SLC13A5: variants seen among roughly 807,000 people sequenced by gnomAD.
The protein encoded by SLC13A5 is Na(+)/citrate cotransporter.
SLC13A5 carries 25 observed loss-of-function variants against 56.5 expected under a neutral mutation model. That is an observed-to-expected ratio of 0.44 (90% confidence interval 0.32 to 0.62). The LOEUF (loss-of-function observed/expected upper bound fraction) is 0.62, where lower values mean the gene tolerates loss of function less well. SLC13A5 is among the 20% of genes least tolerant of loss of function. SLC13A5 has a pLI of 0.04. For synonymous variants in SLC13A5, 307 were observed against 301.5 expected (o/e 1.02, Z -0.19); for missense variants, 649 against 737.8 (o/e 0.88, Z 1.39).
At position 6,702,076 on chromosome 17, in the gene SLC13A5, C is replaced by T. The variant is rs964830612; in HGVS notation, c.716+894G>A. 5.3e-5 allele frequency among the ~76,000 whole-genome samples: 8 copies of T among 152,294 alleles called. No homozygotes were observed. The South Asian group carries it at 8.3e-4, about 16-fold the overall frequency. On this transcript the variant is annotated intron_variant, in intron 5 of 11. Transcript: ENST00000433363. Reference sequence around the variant, plus strand: ...AAAACACTCCCGAAATTAAAACAAACGGGTTGTTGAACCTCACGTTTCTGC... The same window carrying T: ...AAAACACTCCCGAAATTAAAACAAATGGGTTGTTGAACCTCACGTTTCTGC...
chr17:6,698,096 G>A lies in SLC13A5; in HGVS notation c.840-2155C>T, dbSNP rs186866354. ...GAGCACTGTTCCCACCACTCAAACC[G>A]AATGTAAAAGCTGTCCTCTACCTTC... is the stretch of plus-strand genomic sequence containing the variant. On this transcript the variant is annotated intron_variant, in intron 6 of 11. Coordinates refer to ENST00000433363, the MANE Select transcript of SLC13A5 (RefSeq NM_177550.5). 1.6e-3 allele frequency among the ~76,000 whole-genome samples: 248 copies of A among 152,324 alleles called. 1 individual carries two copies. Among genetic ancestry groups the A allele is most frequent in the African/African-American group, 4.4e-3 (181 of 41,576 alleles).
chr17:6,713,252 C>A lies in SLC13A5; in HGVS notation c.82G>T (p.Val28Phe). 1.2e-6 allele frequency: 2 copies of A among 1,613,998 alleles called. No homozygotes were observed. Among genetic ancestry groups the A allele is most frequent in the Non-Finnish European group, 1.7e-6 (2 of 1,179,940 alleles). Residue 28 changes from valine to phenylalanine, a missense_variant, in exon 1 of 12, where the codon GTC (valine) becomes TTC (phenylalanine). Transcript: ENST00000433363. The surrounding 1 kb of genome is among the most constrained non-coding windows in gnomAD (Gnocchi z 7.3). ...CTGACCTTGGCGGGCATCAGAATGA[C>A]GAGTGGCAGCAGCAGGAGCGGGGTG... ...FVTPLLLLPL[V>F]ILMPAKFVRC...
At chr17:6,700,601 C>G (rs955639194) in intron 6 of SLC13A5, among the ~76,000 whole-genome samples, 3 of 152,158 alleles carry the variant, frequency 2.0e-5, no homozygotes, top group African/African-American at 7.2e-5. Context: ...GTGCTGGGAG[C>G]TGTGCGGGGT....
chr17:6,700,815 G>A (rs768246718), intron 6 of SLC13A5, among the ~76,000 whole-genome samples, 189 bp downstream of exon 6: 5 of 152,160 alleles, frequency 3.3e-5, no homozygotes, highest in Non-Finnish European at 2.9e-5. Flanking sequence ...AGGGGACCAC[G>A]TGTGCACAAA....
chr17:6,694,281 A>G lies in SLC13A5; in HGVS notation c.1056-84T>C, dbSNP rs949709705. ...ACAACTCCGGCAGTTCTGTGTCCAAATGCTTCTATGCAAAGAAACAGGCTC... is the reference window on the plus strand; with the variant it reads ...ACAACTCCGGCAGTTCTGTGTCCAAGTGCTTCTATGCAAAGAAACAGGCTC... On this transcript the variant is annotated intron_variant, in intron 7 of 11. Coordinates refer to ENST00000433363, the MANE Select transcript of SLC13A5 (RefSeq NM_177550.5). 4.4e-5 allele frequency: 34 copies of G among 772,182 alleles called. No homozygotes were observed. The Middle Eastern group carries it at 6.9e-4, about 16-fold the overall frequency. 47.8% of individuals were successfully genotyped at this position (772,182 alleles called of 1,614,324 possible). A position where few individuals can be genotyped will look rare whatever the true frequency, so the allele number is the denominator to read the frequency against.
chr17:6,704,854 C>G (rs755263259), intron 3 of SLC13A5: 1 of 154,558 alleles, frequency 6.5e-6, no homozygotes, highest in Non-Finnish European at 1.4e-5. Context: ...CTCAATCCTT[C>G]CCCCTACTCT....
At position 6,702,938 on chromosome 17, in the gene SLC13A5, G is replaced by A. The variant is rs754834897; in HGVS notation, c.716+32C>T. On this transcript the variant is annotated intron_variant, in intron 5 of 11. Transcript: ENST00000433363. ...TCCCTCCAGCCCCGGTACCCACTTC[G>A]TTGTCCCCAGAAGGTGCGACCAAGG... The A allele has an allele frequency of 1.1e-4, 183 of 1,607,320 alleles. 1 individual carries two copies. Among genetic ancestry groups the A allele is most frequent in the Middle Eastern group, 1.7e-4 (1 of 6,002 alleles).
At chr17:6,703,243 T>C in intron 4 of SLC13A5, 105 bp from the exon 5 acceptor site, 1 of 1,419,076 alleles carries the variant, frequency 7.0e-7, no homozygotes, top group Non-Finnish European at 9.6e-7. Flanking sequence ...ATCCCAGCTC[T>C]GCTGATTTAG....
chr17:6,705,854 G>A (rs891365536), intron 3 of SLC13A5, among the ~76,000 whole-genome samples: 1 of 152,196 alleles, frequency 6.6e-6, no homozygotes, highest in African/African-American at 2.4e-5. Context: ...GATTAGAGAG[G>A]ACACAGGCCT....
intron 8 of SLC13A5, among the ~76,000 whole-genome samples, chr17:6,693,863 T>C (rs1387605751): frequency 1.3e-5 from 2 of 152,228 alleles, no homozygotes; most frequent in Non-Finnish European, 2.9e-5. Flanking sequence ...TCTGTTCCTG[T>C]TGTAATATAA....
At chr17:6,697,835 T>C (rs1031993164) in intron 6 of SLC13A5, among the ~76,000 whole-genome samples, 6 of 152,318 alleles carry the variant, frequency 3.9e-5, no homozygotes, top group Non-Finnish European at 5.9e-5. Context: ...CCTAGGAGGC[T>C]GCACTAGGCT....
At chr17:6,689,525 T>C (rs943966426) in intron 10 of SLC13A5, 1 of 152,206 alleles carries the variant, frequency 6.6e-6, no homozygotes, top group Non-Finnish European at 1.5e-5. Context: ...GTGCTCCCAG[T>C]TAGGGCTGGA....
At chr17:6,698,820 C>T (rs1488091624) in intron 6 of SLC13A5, among the ~76,000 whole-genome samples, 3 of 152,124 alleles carry the variant, frequency 2.0e-5, no homozygotes, top group South Asian at 2.1e-4. Flanking sequence ...GGCGGATCAC[C>T]GGAGGTTAGG....
chr17:6,695,233 C>CA (rs1373505090), intron 7 of SLC13A5, among the ~76,000 whole-genome samples: 1 of 152,112 alleles, frequency 6.6e-6, no homozygotes, highest in African/African-American at 2.4e-5. Context: ...GGTCAGAAAA[C>CA]AAAAATGAGT....
At chr17:6,690,580 T>TACAAAGAGGAGTGGC (rs1395147718) in intron 10 of SLC13A5, among the ~76,000 whole-genome samples, 199 bp downstream of exon 10, 1 of 151,864 alleles carries the variant, frequency 6.6e-6, no homozygotes. Context: ...GCAGGAGGGG[T>TACAAAGAGGAGTGGC]ACAAAGAGGA....
intron 7 of SLC13A5, among the ~76,000 whole-genome samples, chr17:6,694,696 G>T (rs182342946): frequency 6.6e-6 from 1 of 152,150 alleles, no homozygotes; most frequent in Non-Finnish European, 1.5e-5. Context: ...CCAACTTTGG[G>T]TGATCCTAAG....
At position 6,696,206 on chromosome 17, in the gene SLC13A5, T is replaced by G. The variant is rs796739375; in HGVS notation, c.840-265A>C. On this transcript the variant is annotated intron_variant, in intron 6 of 11. Coordinates refer to ENST00000433363, the MANE Select transcript of SLC13A5 (RefSeq NM_177550.5). ...CACCTGGAGACTGGCTGCTCCAGGG[T>G]CACCTGGGGGAAGGCCATAAGGAGC... Among the ~76,000 whole-genome samples the G allele has an allele frequency of 3.5e-3, 532 of 152,164 alleles. 6 individuals carry two copies. The highest frequency in any genetic ancestry group is 0.012 in the African/African-American group (501 of 41,522).
intron 6 of SLC13A5, among the ~76,000 whole-genome samples, chr17:6,698,598 G>A (rs1374806465): frequency 6.6e-6 from 1 of 152,186 alleles, no homozygotes; most frequent in East Asian, 1.9e-4. Flanking sequence ...AAAGGGCCTG[G>A]GTTCAAGTCT....
rs765250851 is a variant in SLC13A5 at position 6,686,191 on chromosome 17, G to C, written c.*16C>G. On this transcript the variant is annotated 3_prime_UTR_variant, in exon 12 of 12. Coordinates refer to ENST00000433363, the MANE Select transcript of SLC13A5 (RefSeq NM_177550.5). ...TGAGGAGGGTAAGGGCTGTGTGTGT[G>C]GTCTTGTGGCTCTTCCTAAGTCTCA... 8.7e-6 allele frequency: 14 copies of C among 1,613,910 alleles called. No individual in the cohort carries two copies. Among genetic ancestry groups the C allele is most frequent in the Middle Eastern group, 1.6e-4 (1 of 6,080 alleles).
Sources: gnomAD v4.1 joint callset for allele counts (sites outside exome capture counted in the v4.1 genomes callset) on GRCh38, gnomAD v4.1.1 for gene constraint, Gnocchi (gnomAD v3.1) non-coding constraint, MANE v1.5 for transcripts, NCBI Gene and HGNC (gene_info 2026-07-23, HGNC 2026-07-21) for gene names.